Variants in GRIK4 observed in about 807,000 individuals in gnomAD.
GRIK4 encodes the protein glutamate ionotropic receptor kainate type subunit 4, also known as glutamate receptor ionotropic, kainate 4.
GRIK4 carries 40 observed loss-of-function variants against 104.9 expected under a neutral mutation model. The ratio of observed to expected loss-of-function variants is 0.38; its 90% CI spans 0.30 to 0.50. GRIK4 has a LOEUF of 0.50. Among genes scored for constraint, GRIK4 ranks in the 20% least tolerant of loss-of-function variants. GRIK4 has a pLI of 0.93. For synonymous variants in GRIK4, 485 were observed against 524.9 expected (o/e 0.92, Z 1.04); for missense variants, 1,047 against 1,308.1 (o/e 0.80, Z 3.08).
chr11:120,796,947 T>G, intron 3 of GRIK4, among the ~76,000 whole-genome samples: 1 of 149,242 alleles, frequency 6.7e-6, no homozygotes, highest in Non-Finnish European at 1.5e-5. Context: ...TGGAGAGGAG[T>G]TTGGGGGGCG....
intron 1 of GRIK4, among the ~76,000 whole-genome samples, chr11:120,617,023 A>C (rs1023369453): frequency 1.3e-5 from 2 of 152,192 alleles, no homozygotes; most frequent in Admixed American, 1.3e-4. Context: ...CTGGAGCAAA[A>C]AGTTCACTTA....
At chr11:120,948,658 C>T (rs887931693) in intron 14 of GRIK4, among the ~76,000 whole-genome samples, 1 of 152,182 alleles carries the variant, frequency 6.6e-6, no homozygotes, top group African/African-American at 2.4e-5. Context: ...AGCATTCTTC[C>T]CCAAAGCATC....
chr11:120,800,900 C>T (rs1391831395), intron 3 of GRIK4, among the ~76,000 whole-genome samples: 2 of 152,166 alleles, frequency 1.3e-5, no homozygotes, highest in African/African-American at 2.4e-5. Context: ...GAATTCTCAA[C>T]CTCTGAAAGA....
intron 3 of GRIK4, among the ~76,000 whole-genome samples, chr11:120,792,848 A>T (rs746948335): frequency 2.3e-4 from 35 of 152,166 alleles, no homozygotes; most frequent in Non-Finnish European, 4.4e-4. Flanking sequence ...AAGCACACCC[A>T]TGGAGGCGGC....
At position 120,704,775 on chromosome 11, in the gene GRIK4, T is replaced by C. The variant is rs1201296899; in HGVS notation, c.82+44375T>C. On this transcript the variant is annotated intron_variant, in intron 3 of 20. Transcript: ENST00000527524. Reference sequence around the variant, plus strand: ...GTAAAGGACCAAAGAGTAGGTACTTTAGACTTGTATACTATAGTATCTCTG... The same window carrying C: ...GTAAAGGACCAAAGAGTAGGTACTTCAGACTTGTATACTATAGTATCTCTG... Among the ~76,000 whole-genome samples, 3 of 152,118 alleles carry C rather than the reference T, an allele frequency of 2.0e-5. No individual in the cohort carries two copies. The East Asian group carries it at 5.8e-4, about 29-fold the overall frequency.
At chr11:120,714,664 A>G (rs1446372481) in intron 3 of GRIK4, among the ~76,000 whole-genome samples, 1 of 152,216 alleles carries the variant, frequency 6.6e-6, no homozygotes, top group Admixed American at 6.5e-5. Flanking sequence ...CCTAGAGGAA[A>G]TGACTCAAGC....
intron 3 of GRIK4, among the ~76,000 whole-genome samples, chr11:120,661,987 G>A (rs575013314): frequency 5.9e-5 from 9 of 152,276 alleles, no homozygotes; most frequent in South Asian, 4.1e-4. Context: ...GTTTTTCAGC[G>A]TTTGCTGCAA....
At position 120,952,529 on chromosome 11, in the gene GRIK4, C is replaced by T. The variant is rs1944025647; in HGVS notation, c.1591-326C>T. Among the ~76,000 whole-genome samples, 1 of 152,166 alleles carries T rather than the reference C, an allele frequency of 6.6e-6. No individual in the cohort carries two copies. Among genetic ancestry groups the T allele is most frequent in the South Asian group, 2.1e-4 (1 of 4,820 alleles). ...AAAGGTGCTTCCTGAGTCCATCCTC[C>T]ACCCCCGATGGAGGACACAGGGTGG... On this transcript the variant is annotated intron_variant, in intron 14 of 20. Coordinates refer to ENST00000527524, the MANE Select transcript of GRIK4 (RefSeq NM_014619.5). This position sits in a 1 kb window ranked among gnomAD's most constrained non-coding sequence, Gnocchi z 5.2.
intron 5 of GRIK4, among the ~76,000 whole-genome samples, chr11:120,816,333 C>G (rs960806242): frequency 2.0e-5 from 3 of 152,088 alleles, no homozygotes; most frequent in East Asian, 1.9e-4. Context: ...CCTGTCTGCC[C>G]CAAGGGCCTT....
chr11:120,534,434 G>A (rs60165298), intron 1 of GRIK4, among the ~76,000 whole-genome samples: 4,351 of 152,152 alleles, frequency 0.029, 121 homozygotes, highest in African/African-American at 0.071. Flanking sequence ...GGGGCACAGG[G>A]GCTTTAATGA....
At chr11:120,593,303 G>T (rs1414154759) in intron 1 of GRIK4, among the ~76,000 whole-genome samples, 2 of 151,700 alleles carry the variant, frequency 1.3e-5, no homozygotes, top group Non-Finnish European at 2.9e-5. Context: ...TTCACCTCCC[G>T]ATCACTCTCC....
intron 3 of GRIK4, among the ~76,000 whole-genome samples, chr11:120,703,055 G>A (rs181526968): frequency 6.6e-5 from 10 of 152,154 alleles, no homozygotes; most frequent in South Asian, 2.1e-4. Flanking sequence ...ATCAGTGTTG[G>A]TCAATAGAAC....
intron 13 of GRIK4, among the ~76,000 whole-genome samples, chr11:120,922,251 A>G (rs543024698): frequency 6.6e-6 from 1 of 152,366 alleles, no homozygotes; most frequent in African/African-American, 2.4e-5. Flanking sequence ...TCTGAGGTCA[A>G]CTAACTTGTT....
chr11:120,884,441 C>T (rs1337494498), intron 11 of GRIK4, among the ~76,000 whole-genome samples: 1 of 152,256 alleles, frequency 6.6e-6, no homozygotes, highest in African/African-American at 2.4e-5. Context: ...CCAGGTCACT[C>T]TGGCTGTAAC....
At chr11:120,948,231 G>T (rs1337828610) in intron 14 of GRIK4, among the ~76,000 whole-genome samples, 1 of 152,196 alleles carries the variant, frequency 6.6e-6, no homozygotes, top group Non-Finnish European at 1.5e-5. Flanking sequence ...ACTGCTGGGA[G>T]TTGACTATAT....
chr11:120,758,114 G>T (rs1951684401), intron 3 of GRIK4, among the ~76,000 whole-genome samples: 1 of 152,122 alleles, frequency 6.6e-6, no homozygotes, highest in Non-Finnish European at 1.5e-5. Flanking sequence ...CACAGTCCAT[G>T]CCCCTCACAC....
At chr11:120,873,081 A>G (rs971321914) in intron 9 of GRIK4, 3 of 152,232 alleles carry the variant, frequency 2.0e-5, no homozygotes, top group East Asian at 1.9e-4. Context: ...AGAAGCTTGC[A>G]TTTTAATAGG....
In GRIK4 at chr11:120,963,156, C is replaced by T. The variant is rs555404061; in HGVS notation, c.2266+475C>T. Among the ~76,000 whole-genome samples, 12 of 152,252 alleles carry T rather than the reference C, an allele frequency of 7.9e-5. No homozygotes were observed. The East Asian group carries it at 2.3e-3, about 29-fold the overall frequency. ...AAAGTTTACTTCTAAAGGAGACGGC[C>T]ATGATTAGATGGAATGCTTTCAAAT... On this transcript the variant is annotated intron_variant, in intron 18 of 20. Coordinates refer to ENST00000527524, the MANE Select transcript of GRIK4 (RefSeq NM_014619.5).
chr11:120,645,550 T>G (rs1949531914), intron 1 of GRIK4, among the ~76,000 whole-genome samples: 1 of 152,194 alleles, frequency 6.6e-6, no homozygotes, highest in Non-Finnish European at 1.5e-5. Flanking sequence ...GCTGCCTTCC[T>G]ATGGTTGGAT....
Sources: gnomAD v4.1 joint callset for allele counts (sites outside exome capture counted in the v4.1 genomes callset) on GRCh38, gnomAD v4.1.1 for gene constraint, Gnocchi (gnomAD v3.1) non-coding constraint, MANE v1.5 for transcripts, NCBI Gene and HGNC (gene_info 2026-07-23, HGNC 2026-07-21) for gene names.